KCNB2: variants seen among roughly 807,000 people sequenced by gnomAD.
The protein encoded by KCNB2 is delayed rectifier potassium channel protein.
In KCNB2, 15 loss-of-function variants were observed where a neutral mutation model predicts 61.5. The ratio of observed to expected loss-of-function variants is 0.24; its 90% CI spans 0.16 to 0.38. The LOEUF (loss-of-function observed/expected upper bound fraction) is 0.38, where lower values mean the gene tolerates loss of function less well. Among genes scored for constraint, KCNB2 ranks in the 10% least tolerant of loss-of-function variants. KCNB2 has a pLI of 1.00. For synonymous variants in KCNB2, 457 were observed against 446.0 expected (o/e 1.02, Z -0.31); for missense variants, 828 against 1,125.2 (o/e 0.74, Z 3.78).
intron 2 of KCNB2, among the ~76,000 whole-genome samples, chr8:72,862,628 A>G (rs551414963): frequency 7.6e-4 from 116 of 152,242 alleles, no homozygotes; most frequent in African/African-American, 2.7e-3. Flanking sequence ...CAGTTTCCTC[A>G]CCTATGAAAA....
chr8:72,754,092 C>T (rs543783485), intron 2 of KCNB2, among the ~76,000 whole-genome samples: 180 of 152,234 alleles, frequency 1.2e-3, no homozygotes, highest in Non-Finnish European at 2.3e-3. Context: ...TAAGACTCAT[C>T]AAGCCCACTC....
At chr8:72,707,348 G>A (rs552802841) in intron 2 of KCNB2, among the ~76,000 whole-genome samples, 14 of 152,248 alleles carry the variant, frequency 9.2e-5, no homozygotes, top group Non-Finnish European at 1.2e-4. Flanking sequence ...ATAGTTGGTG[G>A]ATGCCTTTAT....
At chr8:72,584,848 A>G (rs999921457) in intron 2 of KCNB2, among the ~76,000 whole-genome samples, 5 of 152,092 alleles carry the variant, frequency 3.3e-5, no homozygotes, top group Non-Finnish European at 7.4e-5. Flanking sequence ...GGAGTTGCTA[A>G]AGATAAAGAA....
chr8:72,851,826 G>GAAAAAAAAAAAAAAA (rs55696554), intron 2 of KCNB2, among the ~76,000 whole-genome samples: 2,160 of 43,800 alleles, frequency 0.049, 397 homozygotes, highest in Admixed American at 0.061. Flanking sequence ...GAAGCTGTAG[G>GAAAAAAAAAAAAAAA]AAAAAAAAAA....
chr8:72,847,829 A>G (rs1271557886), intron 2 of KCNB2, among the ~76,000 whole-genome samples: 2 of 152,204 alleles, frequency 1.3e-5, no homozygotes, highest in Admixed American at 1.3e-4. Context: ...CACTAGATGA[A>G]TGTTTTCTAC....
rs1234528176 is a variant in KCNB2 at position 72,614,947 on chromosome 8, A to G, written c.579+46634A>G. ...AATATCAAACAAGCAGAGGCTATGT[A>G]TTGTCCCTGGGAGGCAGGACCCTAT... On this transcript the variant is annotated intron_variant, in intron 2 of 2. Transcript: ENST00000523207. 2.0e-5 allele frequency among the ~76,000 whole-genome samples: 3 copies of G among 152,202 alleles called. No homozygotes were observed. In the East Asian group the frequency reaches 5.8e-4, roughly 29 times the overall value.
intron 2 of KCNB2, among the ~76,000 whole-genome samples, chr8:72,738,870 A>G (rs1021735797): frequency 6.6e-6 from 1 of 152,154 alleles, no homozygotes; most frequent in African/African-American, 2.4e-5. Context: ...TTCTAGCCAG[A>G]GTTTTTCTTC....
At chr8:72,711,344 G>A (rs184365671) in intron 2 of KCNB2, among the ~76,000 whole-genome samples, 20 of 152,312 alleles carry the variant, frequency 1.3e-4, no homozygotes, top group African/African-American at 3.4e-4. Context: ...AGCAGCACTC[G>A]TGACTCCCAT....
rs112089422 is a variant in KCNB2, at chr8:72,806,635, A to C, written c.580-129300A>C. On this transcript the variant is annotated intron_variant, in intron 2 of 2. Transcript: ENST00000523207. ...GTCTCAAAAAAAAAAAAGATGAATA[A>C]TTTAATCAAAGATGTAATTGAATAA... Among the ~76,000 whole-genome samples, 533 of 152,246 alleles carry C rather than the reference A, an allele frequency of 3.5e-3. 4 individuals carry two copies. Among genetic ancestry groups the C allele is most frequent in the Middle Eastern group, 0.01 (3 of 294 alleles).
intron 2 of KCNB2, among the ~76,000 whole-genome samples, chr8:72,736,821 C>G (rs184941744): frequency 6.6e-4 from 101 of 152,258 alleles, no homozygotes; most frequent in African/African-American, 2.1e-3. Flanking sequence ...TGGGAGCACT[C>G]TACTGCAGCG....
chr8:72,784,796 C>T (rs1004688986), intron 2 of KCNB2, among the ~76,000 whole-genome samples: 5 of 152,146 alleles, frequency 3.3e-5, no homozygotes, highest in Non-Finnish European at 5.9e-5. Context: ...TATCACTGGG[C>T]TCTTCCAGGA....
intron 2 of KCNB2, among the ~76,000 whole-genome samples, chr8:72,769,244 C>A (rs1808519941): frequency 6.6e-6 from 1 of 151,850 alleles, no homozygotes; most frequent in African/African-American, 2.4e-5. Flanking sequence ...AGATTCACTG[C>A]AAACTAGATA....
chr8:72,746,131 G>T lies in KCNB2; in HGVS notation c.579+177818G>T, dbSNP rs570151952. 7.5e-4 allele frequency among the ~76,000 whole-genome samples: 114 copies of T among 152,250 alleles called. 2 individuals carry two copies. The South Asian group carries it at 0.022, about 30-fold the overall frequency. ...GCAGGCTAGAGCTGTGGGATTTAAG[G>T]CATCATTATAAAGTACTACAGATTT... On this transcript the variant is annotated intron_variant, in intron 2 of 2. Coordinates refer to ENST00000523207, the MANE Select transcript of KCNB2 (RefSeq NM_004770.3).
At chr8:72,928,111 C>T (rs1256776104) in intron 2 of KCNB2, among the ~76,000 whole-genome samples, 1 of 152,062 alleles carries the variant, frequency 6.6e-6, no homozygotes, top group African/African-American at 2.4e-5. Context: ...GTTTTTTCTC[C>T]CTCAAGTTTT....
chr8:72,938,275 A>G lies in KCNB2; in HGVS notation c.*184A>G, dbSNP rs1011407851. 1.1e-4 allele frequency: 61 copies of G among 543,932 alleles called. 2 individuals carry two copies. In the South Asian group the frequency reaches 1.7e-3, roughly 15 times the overall value. The allele number at this position is 543,932 out of a possible 1,614,324, so 33.7% of individuals were successfully genotyped here. A position where few individuals can be genotyped will look rare whatever the true frequency, so the allele number is the denominator to read the frequency against. Reference sequence around the variant, plus strand: ...AGTACTGTTTAAATAATGAGTCAAGACTGCATTTTGTAACAAACCAACAAA... The same window carrying G: ...AGTACTGTTTAAATAATGAGTCAAGGCTGCATTTTGTAACAAACCAACAAA... On this transcript the variant is annotated 3_prime_UTR_variant, in exon 3 of 3. Coordinates refer to ENST00000523207, the MANE Select transcript of KCNB2 (RefSeq NM_004770.3).
chr8:72,871,579 T>C (rs767821179), intron 2 of KCNB2, among the ~76,000 whole-genome samples: 15 of 152,224 alleles, frequency 9.9e-5, no homozygotes, highest in Non-Finnish European at 1.8e-4. Flanking sequence ...TGACATGCAA[T>C]AGGCACCCAG....
chr8:72,566,689 C>G (rs1806629994), intron 1 of KCNB2, among the ~76,000 whole-genome samples: 1 of 145,168 alleles, frequency 6.9e-6, no homozygotes, highest in South Asian at 2.2e-4. Context: ...TGTGCCTGGG[C>G]TACAGAGTGA....
intron 2 of KCNB2, among the ~76,000 whole-genome samples, chr8:72,639,430 C>CGTCTTA (rs1806017806): frequency 1.3e-5 from 2 of 152,160 alleles, no homozygotes; most frequent in African/African-American, 4.8e-5. Flanking sequence ...TAATATTTCA[C>CGTCTTA]ATTTTCTTCC....
rs146221419 is a variant in KCNB2 at position 72,708,158 on chromosome 8, T to G, written c.579+139845T>G. 4.4e-4 allele frequency among the ~76,000 whole-genome samples: 67 copies of G among 152,292 alleles called. 1 individual carries two copies. Among genetic ancestry groups the G allele is most frequent in the Admixed American group, 9.2e-4 (14 of 15,292 alleles). ...GCTGGAGTGCAAAGGAACCTGCTGC[T>G]GTGGTCCAGTCCAGGTAGCCTTCCA... On this transcript the variant is annotated intron_variant, in intron 2 of 2. Transcript: ENST00000523207.
Sources: allele counts gnomAD v4.1 joint callset (sites outside exome capture counted in the v4.1 genomes callset), GRCh38; gene constraint gnomAD v4.1.1; transcripts MANE v1.5; gene names NCBI Gene and HGNC (gene_info 2026-07-23, HGNC 2026-07-21).